MASP1: variants seen among roughly 807,000 people sequenced by gnomAD.
MASP1 encodes MBL associated serine protease 1, also known as mannan-binding lectin serine protease 1.
A neutral mutation model predicts 77.1 loss-of-function variants in MASP1; 59 were observed. The observed-to-expected ratio is 0.77, with a 90% CI of 0.62 to 0.95. The LOEUF (loss-of-function observed/expected upper bound fraction) is 0.95, where lower values mean the gene tolerates loss of function less well. MASP1 is among the 40% of genes least tolerant of loss of function. MASP1 has a pLI of 0.00. For missense variants in MASP1, 885 were observed against 912.9 expected (o/e 0.97, Z 0.39); for synonymous variants, 362 against 354.5 (o/e 1.02, Z -0.24).
At chr3:187,230,378 C>T (rs1023000259), downstream of MASP1, among the ~76,000 whole-genome samples, 7 of 152,186 alleles carry the variant, frequency 4.6e-5, no homozygotes, top group Non-Finnish European at 1.0e-4. Context: ...GACAAAGAGA[C>T]AGAGAGATTG....
chr3:187,251,565 C>T (rs1366269976), intron 7 of MASP1, 69 bp downstream of exon 7: 21 of 1,292,300 alleles, frequency 1.6e-5, no homozygotes, highest in Non-Finnish European at 2.4e-5. Context: ...CCCATCTGCC[C>T]TGGGGAGGGG....
chr3:187,219,991 G>T, exon 16 of MASP1: 2 of 1,483,652 alleles, frequency 1.3e-6, no homozygotes, highest in Non-Finnish European at 1.9e-6. Context: ...AAGGAAAGGA[G>T]AAATGGCTGC....
intron 1 of MASP1, among the ~76,000 whole-genome samples, chr3:187,290,585 A>C (rs1560042973): frequency 6.6e-6 from 1 of 152,234 alleles, no homozygotes; most frequent in East Asian, 1.9e-4. Flanking sequence ...GGACCTGGTT[A>C]TCTCTCTGAA....
In MASP1 at chr3:187,285,120, C is replaced by T. The variant is rs147629467; in HGVS notation, c.237+705G>A. On this transcript the variant is annotated intron_variant, in intron 2 of 10. Transcript: ENST00000296280. ...TAGAAATATTCTGACCTTTTTCAGC[C>T]TCACTTTAAAAGAAGAACAGCTTCC... 4.0e-5 allele frequency among the ~76,000 whole-genome samples: 6 copies of T among 150,976 alleles called. No individual in the cohort carries two copies. In the East Asian group the frequency reaches 1.2e-3, roughly 30 times the overall value.
At chr3:187,251,443 A>G (rs914757750) in intron 7 of MASP1, 191 bp downstream of exon 7, 6 of 570,574 alleles carry the variant, frequency 1.1e-5, no homozygotes, top group Non-Finnish European at 9.3e-6. Flanking sequence ...CTTTTGTGCC[A>G]CTTTCAGAGT....
chr3:187,262,631 G>A lies in MASP1; in HGVS notation c.327C>T (p.Ser109=). The A allele has an allele frequency of 6.2e-7, 1 of 1,614,076 alleles. No individual in the cohort carries two copies. The change falls in exon 3 of 11, where the codon TCC becomes TCT. Residue 109 remains serine, a synonymous_variant. Coordinates refer to ENST00000296280, the MANE Select transcript of MASP1 (RefSeq NM_139125.4). ...AAGTGATGGACATGAAGGAGCCAGG[G>A]GAGAGGACCACCTCCTGGCCGGGAG... ...EQTPGQEVVL[S]PGSFMSITFR...
In MASP1 at chr3:187,236,363, C is replaced by T. The variant is rs560233325; in HGVS notation, c.1508G>A (p.Arg503His). 131 of 1,614,254 alleles carry T rather than the reference C, an allele frequency of 8.1e-5. No homozygotes were observed. The highest frequency in any genetic ancestry group is 1.6e-4 in the Middle Eastern group (1 of 6,062). ...GACTGGTATCACCGTGGTGTCTCTA[C>T]GCTGGGAGCGCAGCACATGAGCTGC... The part of the protein sequence containing the change: ...LTAAHVLRSQ[R>H]RDTTVIPVSK... The change falls in exon 11 of 11, where the codon CGT becomes CAT. Residue 503 changes from arginine to histidine, a missense_variant. Arg to His is a conservative substitution (Grantham distance 29). Coordinates refer to ENST00000296280, the MANE Select transcript of MASP1 (RefSeq NM_139125.4).
chr3:187,229,440 A>G (rs16861755), downstream of MASP1, among the ~76,000 whole-genome samples: 9,946 of 152,186 alleles, frequency 0.065, 504 homozygotes, highest in African/African-American at 0.14. Flanking sequence ...TCCTAAGCAT[A>G]GCATTCAAGG....
At chr3:187,271,854 C>T (rs1716552904) in intron 2 of MASP1, among the ~76,000 whole-genome samples, 1 of 152,210 alleles carries the variant, frequency 6.6e-6, no homozygotes, top group Non-Finnish European at 1.5e-5. Flanking sequence ...CATCACAGAA[C>T]ATGGCGTGGG....
intron 5 of MASP1, chr3:187,256,462 C>T: frequency 1.6e-6 from 1 of 631,326 alleles, no homozygotes; most frequent in Non-Finnish European, 2.8e-6. Flanking sequence ...CCCTAGTGGC[C>T]AGTGGGGTCA....
intron 15 of MASP1, chr3:187,220,947 A>C: frequency 9.5e-7 from 1 of 1,056,086 alleles, no homozygotes; most frequent in East Asian, 2.4e-5. Flanking sequence ...CCAGCCCACC[A>C]GGTTGGGAGG....
intron 2 of MASP1, among the ~76,000 whole-genome samples, chr3:187,264,909 T>C (rs1021862676): frequency 1.3e-5 from 2 of 152,076 alleles, no homozygotes; most frequent in African/African-American, 2.4e-5. Flanking sequence ...TTTGGAGTAA[T>C]ACGATATACA....
At chr3:187,217,472 T>C (rs1711834528) in exon 16 of MASP1, 1 of 152,252 alleles carries the variant, frequency 6.6e-6, no homozygotes, top group African/African-American at 2.4e-5. Context: ...GGAGACCTTT[T>C]AAAGAGGCAG....
chr3:187,238,040 G>A (rs1713319893), intron 10 of MASP1, among the ~76,000 whole-genome samples: 2 of 152,172 alleles, frequency 1.3e-5, no homozygotes, highest in Admixed American at 1.3e-4. Flanking sequence ...TTGAGGGTCA[G>A]CCTTCCAATT....
At chr3:187,247,424 ACAGAGGAAGGAAG>A (rs750780497) in intron 8 of MASP1, 1 of 1,612,700 alleles carries the variant, frequency 6.2e-7, no homozygotes. Context: ...ATCAAGAGAT[ACAGAGGAAGGAAG>A]CAGAGAGAGG....
chr3:187,278,475 A>G (rs1717141615), intron 2 of MASP1, among the ~76,000 whole-genome samples: 1 of 152,210 alleles, frequency 6.6e-6, no homozygotes, highest in Non-Finnish European at 1.5e-5. Context: ...TCACTGTGTT[A>G]ATCCTCTCTC....
chr3:187,261,792 T>A (rs1172643504), intron 3 of MASP1, among the ~76,000 whole-genome samples: 1 of 152,214 alleles, frequency 6.6e-6, no homozygotes, highest in Non-Finnish European at 1.5e-5. Context: ...AAAACTTTGT[T>A]AGTGAGAGCT....
At chr3:187,281,207 A>G (rs1717382925) in intron 2 of MASP1, among the ~76,000 whole-genome samples, 1 of 152,236 alleles carries the variant, frequency 6.6e-6, no homozygotes, top group African/African-American at 2.4e-5. Context: ...AAGACCAAGA[A>G]CTGTGGGAAA....
chr3:187,219,969 G>T (rs1711936478), exon 16 of MASP1: 1 of 1,225,668 alleles, frequency 8.2e-7, no homozygotes, highest in Non-Finnish European at 1.2e-6. Context: ...CCGAAGGAGG[G>T]GGGATGGGAG....
Sources: allele counts gnomAD v4.1 joint callset (sites outside exome capture counted in the v4.1 genomes callset), GRCh38; gene constraint gnomAD v4.1.1; transcripts MANE v1.5; gene names NCBI Gene and HGNC (gene_info 2026-07-23, HGNC 2026-07-21).